Variants in ANKRD17 observed in about 807,000 individuals in gnomAD.
ANKRD17 encodes the protein ankyrin repeat domain-containing protein 17.
ANKRD17 carries 19 observed loss-of-function variants against 229.7 expected under a neutral mutation model. The ratio of observed to expected loss-of-function variants is 0.08; its 90% CI spans 0.06 to 0.12. The LOEUF (loss-of-function observed/expected upper bound fraction) is 0.12, where lower values mean the gene tolerates loss of function less well. ANKRD17 is among the 10% of genes least tolerant of loss of function. ANKRD17 has a pLI of 1.00. For synonymous variants in ANKRD17, 1,112 were observed against 1,146.1 expected (o/e 0.97, Z 0.60); for missense variants, 2,176 against 3,176.8 (o/e 0.68, Z 7.57).
intron 18 of ANKRD17, among the ~76,000 whole-genome samples, chr4:73,124,087 A>C (rs1727117298): frequency 6.6e-6 from 1 of 152,080 alleles, no homozygotes; most frequent in Non-Finnish European, 1.5e-5. Context: ...AACTGTGGGG[A>C]AACAAAAAAG....
intron 27 of ANKRD17, among the ~76,000 whole-genome samples, chr4:73,096,011 T>A (rs1473547529): frequency 6.6e-6 from 1 of 152,130 alleles, no homozygotes; most frequent in East Asian, 1.9e-4. Flanking sequence ...ATAAGCTGAT[T>A]AAACAATATT....
In ANKRD17 at chr4:73,085,375, T is replaced by C; in HGVS notation, c.7033A>G (p.Asn2345Asp). 1.2e-6 allele frequency: 2 copies of C among 1,614,124 alleles called. No homozygotes were observed. Among genetic ancestry groups the C allele is most frequent in the South Asian group, 1.1e-5 (1 of 91,080 alleles). ...SSTHLGNFAS[N>D]ISGGQMYGPG... Reference sequence around the variant, plus strand: ...CCGTACATCTGACCTCCTGAAATGTTTGAAGCAAAGTTTCCCAAATGTGTT... The same window carrying C: ...CCGTACATCTGACCTCCTGAAATGTCTGAAGCAAAGTTTCCCAAATGTGTT... The change falls in exon 30 of 34, where the codon AAC (asparagine) becomes GAC (aspartate). Residue 2345 changes from asparagine to aspartate, a missense_variant. By Grantham distance (23) the Asn-to-Asp change is conservative. Coordinates refer to ENST00000358602, the MANE Select transcript of ANKRD17 (RefSeq NM_032217.5).
rs1722809131 is a variant in ANKRD17 at position 73,091,668 on chromosome 4, C to T, written c.5960G>A (p.Gly1987Asp). 1.2e-6 allele frequency: 2 copies of T among 1,614,038 alleles called. No homozygotes were observed. The highest frequency in any genetic ancestry group is 1.3e-5 in the African/African-American group (1 of 74,900). Residue 1987 changes from glycine (G) to aspartate (D), a missense_variant, in exon 29 of 34, where the codon GGC becomes GAC. Physicochemically the swap from Gly to Asp is moderately conservative, Grantham distance 94. Coordinates refer to ENST00000358602, the MANE Select transcript of ANKRD17 (RefSeq NM_032217.5). Reference protein sequence around the residue: ...ASTVPGTSTNGSPSSPSVRRQ... With the variant: ...ASTVPGTSTNDSPSSPSVRRQ... ...TCGGACAGAAGGTGAACTTGGACTG[C>T]CATTTGTAGATGTACCAGGCACCGT...
chr4:73,176,402 A>T (rs1165227705), intron 2 of ANKRD17, among the ~76,000 whole-genome samples: 1 of 152,120 alleles, frequency 6.6e-6, no homozygotes, highest in East Asian at 1.9e-4. Context: ...AGTCCCTCCC[A>T]AAAGTAAAAA....
chr4:73,239,188 C>A (rs1170083973), intron 1 of ANKRD17, among the ~76,000 whole-genome samples: 1 of 152,094 alleles, frequency 6.6e-6, no homozygotes, highest in Admixed American at 6.6e-5. Context: ...TGATGTTTGA[C>A]CTATCAGATC....
At chr4:73,107,723 TG>T (rs1724814947) in intron 24 of ANKRD17, among the ~76,000 whole-genome samples, 1 of 152,216 alleles carries the variant, frequency 6.6e-6, no homozygotes, top group Non-Finnish European at 1.5e-5. Context: ...TAAGCTAGCG[TG>T]GCTAAGAACA....
At chr4:73,102,273 G>A in intron 25 of ANKRD17, 103 bp downstream of exon 25, 2 of 1,236,106 alleles carry the variant, frequency 1.6e-6, no homozygotes, top group Non-Finnish European at 2.2e-6. Context: ...TATGTTAAGG[G>A]GTTAATAACT....
intron 24 of ANKRD17, chr4:73,113,384 T>C: frequency 7.8e-7 from 1 of 1,290,008 alleles, no homozygotes; most frequent in Non-Finnish European, 1.0e-6. Flanking sequence ...GATTTGTATT[T>C]CACTAGTTGG....
intron 18 of ANKRD17, among the ~76,000 whole-genome samples, chr4:73,124,696 C>G (rs1405725194): frequency 6.6e-6 from 1 of 152,186 alleles, no homozygotes; most frequent in Non-Finnish European, 1.5e-5. Flanking sequence ...GGCATTCCTA[C>G]TTTTAGATGA....
At chr4:73,226,058 C>T (rs563065930) in intron 1 of ANKRD17, among the ~76,000 whole-genome samples, 1 of 147,544 alleles carries the variant, frequency 6.8e-6, no homozygotes, top group East Asian at 2.1e-4. Context: ...TCACAGCAAC[C>T]TCCGTCTCCC....
At chr4:73,105,386 A>G (rs1372277029) in intron 24 of ANKRD17, among the ~76,000 whole-genome samples, 1 of 151,246 alleles carries the variant, frequency 6.6e-6, no homozygotes. Context: ...ATACATATAT[A>G]AAGAGAGTTT....
At chr4:73,234,619 C>T (rs1326808935) in intron 1 of ANKRD17, among the ~76,000 whole-genome samples, 4 of 152,124 alleles carry the variant, frequency 2.6e-5, no homozygotes, top group African/African-American at 9.7e-5. Flanking sequence ...ACGCAGGTAC[C>T]CCAAAAAGGT....
intron 10 of ANKRD17, among the ~76,000 whole-genome samples, chr4:73,145,884 AAAATT>A (rs1333195394): frequency 2.0e-5 from 3 of 152,300 alleles, no homozygotes; most frequent in African/African-American, 7.2e-5. Context: ...TTAAGTTTAT[AAAATT>A]AATTACTGAA....
chr4:73,193,393 A>G (rs532001948), intron 1 of ANKRD17, among the ~76,000 whole-genome samples: 2 of 152,350 alleles, frequency 1.3e-5, no homozygotes, highest in East Asian at 3.8e-4. Context: ...AGGACAGGTC[A>G]TATGAGAAGT....
intron 25 of ANKRD17, chr4:73,099,020 A>C: frequency 1.0e-6 from 1 of 988,222 alleles, no homozygotes; most frequent in African/African-American, 1.6e-5. Flanking sequence ...AAGCAAAAAC[A>C]AGGGAGCTGC....
chr4:73,102,045 A>C lies in ANKRD17; in HGVS notation c.4573+331T>G, dbSNP rs916208261. ...CCTCCCAGGCTGAAGTGATCCTCCC[A>C]CCTTACCTCCCCATCCCCCCAATCC... On this transcript the variant is annotated intron_variant, in intron 25 of 33. Coordinates refer to ENST00000358602, the MANE Select transcript of ANKRD17 (RefSeq NM_032217.5). Among the ~76,000 whole-genome samples, 3 of 151,908 alleles carry C rather than the reference A, an allele frequency of 2.0e-5. No homozygotes were observed. In the South Asian group the frequency reaches 6.3e-4, roughly 32 times the overall value.
chr4:73,239,185 T>C (rs1352837684), intron 1 of ANKRD17, among the ~76,000 whole-genome samples: 1 of 152,186 alleles, frequency 6.6e-6, no homozygotes, highest in Non-Finnish European at 1.5e-5. Context: ...AGCTGATGTT[T>C]GACCTATCAG....
intron 1 of ANKRD17, among the ~76,000 whole-genome samples, chr4:73,179,514 A>AATTTT (rs1735235491): frequency 1.5e-5 from 1 of 65,150 alleles, no homozygotes; most frequent in Non-Finnish European, 3.4e-5. Flanking sequence ...ATATATATAT[A>AATTTT]TATATTTTTT....
intron 2 of ANKRD17, 134 bp downstream of exon 2, chr4:73,177,246 A>G: frequency 1.1e-6 from 1 of 873,356 alleles, no homozygotes; most frequent in East Asian, 3.0e-5. Context: ...AATTCAGCAG[A>G]AAGTAATCAA....
Sources: gnomAD v4.1 joint callset for allele counts (sites outside exome capture counted in the v4.1 genomes callset) on GRCh38, gnomAD v4.1.1 for gene constraint, MANE v1.5 for transcripts, NCBI Gene and HGNC (gene_info 2026-07-23, HGNC 2026-07-21) for gene names.